ARHGAP31: variants seen among roughly 807,000 people sequenced by gnomAD.
ARHGAP31 encodes Rho GTPase activating protein 31, also known as rho GTPase-activating protein 31.
Under a neutral mutation model 113.9 loss-of-function variants are expected in ARHGAP31, and 34 were observed. The ratio of observed to expected loss-of-function variants is 0.30; its 90% CI spans 0.23 to 0.40. The LOEUF (loss-of-function observed/expected upper bound fraction) is 0.40, where lower values mean the gene tolerates loss of function less well. ARHGAP31 is among the 10% of genes least tolerant of loss of function. The pLI is 1.00. For synonymous variants in ARHGAP31, 650 were observed against 684.8 expected (o/e 0.95, Z 0.79); for missense variants, 1,548 against 1,767.1 (o/e 0.88, Z 2.22).
At chr3:119,407,945 A>G (rs1431119372) in intron 10 of ARHGAP31, among the ~76,000 whole-genome samples, 1 of 152,212 alleles carries the variant, frequency 6.6e-6, no homozygotes, top group Admixed American at 6.5e-5. Context: ...CTAAACATGT[A>G]CAGATTTTAT....
chr3:119,414,721 T>A lies in ARHGAP31; in HGVS notation c.2792T>A (p.Val931Glu), dbSNP rs886044036. The A allele has an allele frequency of 4.3e-6, 7 of 1,614,160 alleles. 1 individual carries two copies. The highest frequency in any genetic ancestry group is 1.6e-4 in the Middle Eastern group (1 of 6,062). Residue 931 changes from valine (V) to glutamate (E), a missense_variant, in exon 12 of 12, where the codon GTA (valine) becomes GAA (glutamate). Physicochemically the swap from Val to Glu is moderately radical, Grantham distance 121 (BLOSUM62 -2). Coordinates refer to ENST00000264245, the MANE Select transcript of ARHGAP31 (RefSeq NM_020754.4). ...CTGAAAGACGCGCACAAGGCCCAGG[T>A]ACAGGGCCTTCAGGGTCACCAGTTG... is the stretch of plus-strand genomic sequence containing the variant. ...PTLKDAHKAQ[V>E]QGLQGHQLEK...
At chr3:119,318,236 C>A (rs1033463156) in intron 1 of ARHGAP31, among the ~76,000 whole-genome samples, 5 of 152,176 alleles carry the variant, frequency 3.3e-5, no homozygotes, top group African/African-American at 1.2e-4. Flanking sequence ...CACCACTGTA[C>A]CCCAGCCTGG....
chr3:119,363,641 G>A (rs1377592614), intron 1 of ARHGAP31, among the ~76,000 whole-genome samples: 4 of 152,186 alleles, frequency 2.6e-5, no homozygotes, highest in African/African-American at 7.2e-5. Context: ...CTTAGAGCAC[G>A]TCATAATAGG....
intron 1 of ARHGAP31, among the ~76,000 whole-genome samples, chr3:119,323,811 A>T (rs2079816352): frequency 6.6e-6 from 1 of 152,178 alleles, no homozygotes; most frequent in South Asian, 2.1e-4. Flanking sequence ...TTTGTGGCTT[A>T]CTTTTTGAAA....
chr3:119,382,771 C>T (rs1007663513), intron 5 of ARHGAP31, among the ~76,000 whole-genome samples: 1 of 152,112 alleles, frequency 6.6e-6, no homozygotes, highest in Non-Finnish European at 1.5e-5. Flanking sequence ...AAATAATGAC[C>T]TGCTCCATAG....
intron 1 of ARHGAP31, among the ~76,000 whole-genome samples, chr3:119,323,304 C>G (rs998549790): frequency 6.6e-6 from 1 of 152,040 alleles, no homozygotes; most frequent in African/African-American, 2.4e-5. Context: ...GGACAGCCGC[C>G]GGCCCTGGGG....
At chr3:119,335,288 T>C (rs764767676) in intron 1 of ARHGAP31, among the ~76,000 whole-genome samples, 20 of 152,206 alleles carry the variant, frequency 1.3e-4, no homozygotes, top group Admixed American at 8.5e-4. Context: ...CTCAGTCTTA[T>C]CAAAATTGAG....
chr3:119,386,296 G>A (rs944301052), intron 6 of ARHGAP31, among the ~76,000 whole-genome samples: 2 of 152,188 alleles, frequency 1.3e-5, no homozygotes, highest in Non-Finnish European at 2.9e-5. Flanking sequence ...TAGCTTATAA[G>A]CAATAAACCT....
At chr3:119,332,604 TTCTCTC>T (rs34228523) in intron 1 of ARHGAP31, among the ~76,000 whole-genome samples, 94 of 105,892 alleles carry the variant, frequency 8.9e-4, no homozygotes, top group South Asian at 2.5e-3. Context: ...CTCTCTCTCT[TTCTCTC>T]TCTCTCTCTC....
chr3:119,349,930 G>A (rs552864555), intron 1 of ARHGAP31, among the ~76,000 whole-genome samples: 2 of 152,312 alleles, frequency 1.3e-5, no homozygotes, highest in South Asian at 4.1e-4. Context: ...CAAGCCCTGA[G>A]TCTTGTGGTA....
intron 1 of ARHGAP31, among the ~76,000 whole-genome samples, chr3:119,352,795 T>C (rs1247785548): frequency 6.6e-6 from 1 of 152,162 alleles, no homozygotes; most frequent in East Asian, 1.9e-4. Flanking sequence ...TTTAGAAAGA[T>C]TTATCTGGAA....
chr3:119,294,750 C>A lies in ARHGAP31; in HGVS notation c.-155C>A. 2.8e-6 allele frequency: 2 copies of A among 723,528 alleles called. No individual in the cohort carries two copies. The highest frequency in any genetic ancestry group is 4.8e-6 in the Non-Finnish European group (2 of 414,696). 44.8% of individuals were successfully genotyped at this position (723,528 alleles called of 1,614,324 possible). A position where few individuals can be genotyped will look rare whatever the true frequency, so the allele number is the denominator to read the frequency against. ...TCTGCCGGCCCGCGGCCCGCGGGGT[C>A]CATGCGCAGGGCCCCCAGCCCAAGT... On this transcript the variant is annotated 5_prime_UTR_variant, in exon 1 of 12. Transcript: ENST00000264245.
Position 119,303,301 on chromosome 3 carries a change from A to G in ARHGAP31, c.100+8297A>G, listed in dbSNP as rs145435783. On this transcript the variant is annotated intron_variant, in intron 1 of 11. Transcript: ENST00000264245. ...GATGTGCTGGATTATCAGGAATCCA[A>G]TTGCTTAATGGTCCCCACAGGGGTT... Among the ~76,000 whole-genome samples, 597 of 152,314 alleles carry G rather than the reference A, an allele frequency of 3.9e-3. 16 individuals are homozygous for G. Among genetic ancestry groups the G allele is most frequent in the Non-Finnish European group, 6.8e-4 (46 of 68,030 alleles).
chr3:119,398,451 G>A (rs545619540), intron 8 of ARHGAP31, among the ~76,000 whole-genome samples: 4 of 152,138 alleles, frequency 2.6e-5, no homozygotes, highest in Non-Finnish European at 2.9e-5. Context: ...TGACAAGCTC[G>A]ACCTAGAAGG....
intron 10 of ARHGAP31, among the ~76,000 whole-genome samples, chr3:119,405,212 T>C (rs1272563651): frequency 6.6e-6 from 1 of 152,224 alleles, no homozygotes; most frequent in Non-Finnish European, 1.5e-5. Context: ...GGAGCAAGCC[T>C]ACCTTATAAA....
chr3:119,395,110 T>G (rs769143921), intron 8 of ARHGAP31, among the ~76,000 whole-genome samples: 8 of 152,192 alleles, frequency 5.3e-5, no homozygotes, highest in Non-Finnish European at 8.8e-5. Flanking sequence ...TGTTTGAAAT[T>G]TTTAATAGAG....
intron 1 of ARHGAP31, chr3:119,322,530 C>G (rs1488669264): frequency 6.5e-6 from 1 of 153,056 alleles, no homozygotes; most frequent in African/African-American, 2.4e-5. Context: ...GCCATCCTTG[C>G]AAGCCCGCGG....
rs1377969888 is a variant in ARHGAP31, at chr3:119,383,092, A to T, written c.548A>T (p.Glu183Val). 6.2e-7 allele frequency: 1 copy of T among 1,614,064 alleles called. No individual in the cohort carries two copies. The change falls in exon 6 of 12, where the codon GAA (glutamate) becomes GTA (valine). Residue 183 changes from glutamate to valine, a missense_variant. By Grantham distance (121) the Glu-to-Val change is moderately radical (BLOSUM62 -2). Transcript: ENST00000264245. ...VWAPNLLRSK[E>V]IEATGCNGDA... ...TTTCTTCCACACGGTAGGTCTAAAGAAATTGAAGCCACTGGTTGCAATGGA... is the reference window on the plus strand; with the variant it reads ...TTTCTTCCACACGGTAGGTCTAAAGTAATTGAAGCCACTGGTTGCAATGGA...
At chr3:119,380,801 G>C in intron 3 of ARHGAP31, 103 bp from the exon 4 acceptor site, 2 of 926,956 alleles carry the variant, frequency 2.2e-6, no homozygotes, top group Admixed American at 1.8e-5. Context: ...CTCTAGGCAT[G>C]GTTGTGAGGC....
Sources: gnomAD v4.1 joint callset for allele counts (sites outside exome capture counted in the v4.1 genomes callset) on GRCh38, gnomAD v4.1.1 for gene constraint, MANE v1.5 for transcripts, NCBI Gene and HGNC (gene_info 2026-07-23, HGNC 2026-07-21) for gene names.